SYT1: variants seen among roughly 807,000 people sequenced by gnomAD.
SYT1 encodes synaptotagmin 1.
SYT1 carries 8 observed loss-of-function variants against 44.8 expected under a neutral mutation model. The observed-to-expected ratio is 0.18, with a 90% CI of 0.10 to 0.32. SYT1 has a LOEUF of 0.32. Among genes scored for constraint, SYT1 ranks in the 10% least tolerant of loss-of-function variants. SYT1 has a pLI of 1.00. For synonymous variants in SYT1, 154 were observed against 188.8 expected (o/e 0.82, Z 1.51); for missense variants, 286 against 509.3 (o/e 0.56, Z 4.22).
intron 3 of SYT1, among the ~76,000 whole-genome samples, chr12:79,152,725 G>A (rs997028573): frequency 6.6e-5 from 10 of 151,986 alleles, no homozygotes; most frequent in African/African-American, 2.2e-4. Context: ...AGCATAGTAA[G>A]TATTTGAAGA....
At chr12:79,115,921 A>T (rs184210442) in intron 3 of SYT1, among the ~76,000 whole-genome samples, 1 of 152,316 alleles carries the variant, frequency 6.6e-6, no homozygotes, top group East Asian at 1.9e-4. Flanking sequence ...GTAAGTTCTC[A>T]TAAAATTTCT....
chr12:78,956,314 T>C (rs1330187478), intron 1 of SYT1, among the ~76,000 whole-genome samples: 1 of 152,092 alleles, frequency 6.6e-6, no homozygotes, highest in Non-Finnish European at 1.5e-5. Context: ...GGAGACACAC[T>C]TATTGAGTTT....
At chr12:79,130,653 A>C (rs1446494090) in intron 3 of SYT1, among the ~76,000 whole-genome samples, 1 of 152,190 alleles carries the variant, frequency 6.6e-6, no homozygotes, top group East Asian at 1.9e-4. Flanking sequence ...TTATGTGAAC[A>C]TCATCTGCTT....
chr12:79,187,206 A>G lies in SYT1; in HGVS notation c.-17-30297A>G, dbSNP rs189335927. On this transcript the variant is annotated intron_variant, in intron 3 of 10. Coordinates refer to ENST00000261205, the MANE Select transcript of SYT1 (RefSeq NM_005639.3). ...CAGCCCATTCAAGTGGCAATACACC[A>G]GCGAAGAATAAAAAGATATATATTG... Among the ~76,000 whole-genome samples the G allele has an allele frequency of 1.1e-4, 17 of 152,188 alleles. No homozygotes were observed. The East Asian group carries it at 2.9e-3, about 26-fold the overall frequency.
intron 3 of SYT1, among the ~76,000 whole-genome samples, chr12:79,183,776 G>A (rs1352716071): frequency 6.6e-6 from 1 of 151,988 alleles, no homozygotes; most frequent in East Asian, 1.9e-4. Context: ...TGTTCTCAAG[G>A]GTCAATCAAT....
intron 9 of SYT1, among the ~76,000 whole-genome samples, chr12:79,373,527 T>A (rs1035946713): frequency 1.3e-5 from 2 of 152,192 alleles, no homozygotes; most frequent in Non-Finnish European, 2.9e-5. Context: ...TCTGTTTAAC[T>A]TTGTAATGTA....
chr12:78,895,321 C>T (rs959328333), intron 1 of SYT1, among the ~76,000 whole-genome samples: 3 of 151,664 alleles, frequency 2.0e-5, no homozygotes, highest in Admixed American at 2.0e-4. Flanking sequence ...AATAAAACAA[C>T]CAAAAATTCT....
chr12:79,056,039 C>G (rs1874909284), intron 3 of SYT1, among the ~76,000 whole-genome samples: 1 of 151,938 alleles, frequency 6.6e-6, no homozygotes, highest in Admixed American at 6.6e-5. Context: ...GTGACATGTA[C>G]AGGTTTGTAG....
intron 1 of SYT1, among the ~76,000 whole-genome samples, chr12:78,970,686 A>G (rs1868352286): frequency 6.6e-6 from 1 of 152,180 alleles, no homozygotes; most frequent in Non-Finnish European, 1.5e-5. Context: ...ATCTGCTACC[A>G]CTAGCCTTTA....
intron 3 of SYT1, among the ~76,000 whole-genome samples, chr12:79,212,952 AAT>A (rs1427044512): frequency 6.6e-6 from 1 of 152,196 alleles, no homozygotes; most frequent in Non-Finnish European, 1.5e-5. Flanking sequence ...TTTCTCCTTA[AAT>A]ATCAACAACA....
intron 6 of SYT1, among the ~76,000 whole-genome samples, chr12:79,294,725 G>A (rs1051918830): frequency 2.6e-5 from 4 of 152,004 alleles, no homozygotes; most frequent in East Asian, 1.9e-4. Context: ...ACTACATAAA[G>A]GTAAATACCA....
chr12:78,973,843 AC>A (rs1868550543), intron 1 of SYT1, among the ~76,000 whole-genome samples: 2 of 148,226 alleles, frequency 1.3e-5, no homozygotes, highest in Non-Finnish European at 3.0e-5. Flanking sequence ...TGTAGCAAAA[AC>A]CAAACTGAAA....
chr12:79,034,480 G>C (rs1565773124), intron 2 of SYT1, among the ~76,000 whole-genome samples: 1 of 151,604 alleles, frequency 6.6e-6, no homozygotes, highest in Non-Finnish European at 1.5e-5. Context: ...AACAGGATTT[G>C]GATACAAACA....
chr12:79,037,747 T>A (rs1055140590), intron 2 of SYT1, among the ~76,000 whole-genome samples: 2 of 151,878 alleles, frequency 1.3e-5, no homozygotes, highest in East Asian at 3.9e-4. Flanking sequence ...ACCCCACAGG[T>A]ACTTCTAGTG....
intron 1 of SYT1, among the ~76,000 whole-genome samples, chr12:78,928,938 A>C (rs879541810): frequency 1.1e-4 from 17 of 152,186 alleles, no homozygotes; most frequent in Admixed American, 3.9e-4. Context: ...AATTTACATA[A>C]GATATACAGC....
At chr12:79,230,320 A>G (rs1264510861) in intron 4 of SYT1, among the ~76,000 whole-genome samples, 1 of 152,178 alleles carries the variant, frequency 6.6e-6, no homozygotes, top group African/African-American at 2.4e-5. Context: ...TTTTAGTATT[A>G]CATAGTTTCA....
intron 1 of SYT1, among the ~76,000 whole-genome samples, chr12:78,894,597 A>G (rs1220065531): frequency 6.6e-6 from 1 of 151,626 alleles, no homozygotes; most frequent in Non-Finnish European, 1.5e-5. Context: ...AGTGCTTATC[A>G]GAGATCTTGG....
chr12:79,249,088 C>CTTTTTTTTTTTTTTTTTTTTT (rs58983623), intron 4 of SYT1, among the ~76,000 whole-genome samples: 1 of 71,824 alleles, frequency 1.4e-5, no homozygotes, highest in Non-Finnish European at 2.4e-5. Context: ...TTACCTCTTT[C>CTTTTTTTTTTTTTTTTTTTTT]TTTTTTTTTT....
At chr12:79,081,185 C>T (rs1174806176) in intron 3 of SYT1, among the ~76,000 whole-genome samples, 4 of 152,106 alleles carry the variant, frequency 2.6e-5, no homozygotes, top group Admixed American at 1.3e-4. Flanking sequence ...TGCATGTGTA[C>T]GTGTGTGTGC....
Sources: allele counts gnomAD v4.1 joint callset (sites outside exome capture counted in the v4.1 genomes callset), GRCh38; gene constraint gnomAD v4.1.1; transcripts MANE v1.5; gene names NCBI Gene and HGNC (gene_info 2026-07-23, HGNC 2026-07-21).